The following ZNF423 variants were observed in gnomAD, a reference collection of about 807,000 sequenced individuals.
ZNF423 encodes Ebf-associated zinc finger protein.
A neutral mutation model predicts 95.8 loss-of-function variants in ZNF423; 12 were observed. That is an observed-to-expected ratio of 0.13 (90% CI 0.08 to 0.20). The LOEUF is 0.20. ZNF423 is among the 10% of genes least tolerant of loss of function. The pLI, the probability that ZNF423 is intolerant of heterozygous loss-of-function variation, is 1.00. For missense variants in ZNF423, 1,316 were observed against 1,737.1 expected (o/e 0.76, Z 4.31); for synonymous variants, 749 against 711.9 (o/e 1.05, Z -0.83).
intron 2 of ZNF423, among the ~76,000 whole-genome samples, chr16:49,761,503 A>G (rs764431684): frequency 6.6e-5 from 10 of 152,360 alleles, no homozygotes; most frequent in South Asian, 2.1e-4. Flanking sequence ...CGCTGGTCCC[A>G]GGACCACGCT....
At position 49,855,948 on chromosome 16, in the gene ZNF423, T is replaced by G. The variant is rs2035363023; in HGVS notation, c.-174A>C. On this transcript the variant is annotated 5_prime_UTR_variant, in exon 1 of 8. Coordinates refer to ENST00000563137, the MANE Select transcript of ZNF423 (RefSeq NM_001379286.1). The surrounding 1 kb of genome is among the most constrained non-coding windows in gnomAD (Gnocchi z 4.7). ...ACCGCAGGTCCGGGGCGGCCTCCCTTGGGGGGGCAGCCCGGGCCGGCCGAG... is the reference window on the plus strand; with the variant it reads ...ACCGCAGGTCCGGGGCGGCCTCCCTGGGGGGGGCAGCCCGGGCCGGCCGAG... The G allele has an allele frequency of 6.8e-6, 1 of 146,534 alleles. No homozygotes were observed. Among genetic ancestry groups the G allele is most frequent in the East Asian group, 2.1e-4 (1 of 4,760 alleles). 9.1% of individuals were successfully genotyped at this position (146,534 alleles called of 1,614,324 possible).
At chr16:49,818,565 AAC>A (rs2034891669) in intron 1 of ZNF423, among the ~76,000 whole-genome samples, 1 of 151,904 alleles carries the variant, frequency 6.6e-6, no homozygotes, top group Middle Eastern at 3.4e-3. Context: ...CAGCCTGGGC[AAC>A]ACAGAGATAC....
intron 5 of ZNF423, among the ~76,000 whole-genome samples, chr16:49,581,378 T>A (rs910651552): frequency 1.4e-4 from 21 of 152,152 alleles, no homozygotes; most frequent in Admixed American, 1.4e-3. Context: ...ATACTTAAAA[T>A]AACATTTATA....
At chr16:49,577,202 G>C (rs887178876) in intron 5 of ZNF423, among the ~76,000 whole-genome samples, 1 of 152,214 alleles carries the variant, frequency 6.6e-6, no homozygotes, top group Non-Finnish European at 1.5e-5. Context: ...GAATGGGAAA[G>C]AGTTGTAGGA....
chr16:49,629,228 T>C (rs1337633078), intron 4 of ZNF423, among the ~76,000 whole-genome samples: 1 of 152,234 alleles, frequency 6.6e-6, no homozygotes, highest in African/African-American at 2.4e-5. Context: ...TTTATATTTA[T>C]AGTCCAGGCC....
chr16:49,693,959 C>G (rs1438437114), intron 3 of ZNF423, among the ~76,000 whole-genome samples: 1 of 152,206 alleles, frequency 6.6e-6, no homozygotes, highest in African/African-American at 2.4e-5. Flanking sequence ...ACATCCTTCT[C>G]TTATAAATGA....
rs1358217310 is a variant in ZNF423 at position 49,632,564 on chromosome 16, G to T, written c.3516+3096C>A. 4.6e-5 allele frequency among the ~76,000 whole-genome samples: 7 copies of T among 152,268 alleles called. No homozygotes were observed. In the South Asian group the frequency reaches 1.5e-3, roughly 32 times the overall value. ...CTCACACAAGGCCCAAAGGCAGGGA[G>T]AGGAAGGCCTGGGGGCCCCCAGGAA... On this transcript the variant is annotated intron_variant, in intron 4 of 7. Coordinates refer to ENST00000563137, the MANE Select transcript of ZNF423 (RefSeq NM_001379286.1).
chr16:49,563,727 G>A (rs149433228), intron 5 of ZNF423, among the ~76,000 whole-genome samples: 4 of 152,236 alleles, frequency 2.6e-5, no homozygotes, highest in African/African-American at 4.8e-5. Flanking sequence ...GCATCCACCT[G>A]CACCTCTCCC....
chr16:49,565,279 G>A (rs932273581), intron 5 of ZNF423, among the ~76,000 whole-genome samples: 1 of 152,178 alleles, frequency 6.6e-6, no homozygotes, highest in Non-Finnish European at 1.5e-5. Context: ...GCCCAGAGTG[G>A]CCAAGATCTT....
intron 3 of ZNF423, among the ~76,000 whole-genome samples, chr16:49,653,311 C>CAAAAAAAAAAA (rs5816652): frequency 1.0e-5 from 1 of 99,198 alleles, no homozygotes. Context: ...CAAGAACCAC[C>CAAAAAAAAAAA]AAAAAAAAAA....
intron 3 of ZNF423, among the ~76,000 whole-genome samples, chr16:49,715,941 G>A (rs951237701): frequency 2.0e-5 from 3 of 151,970 alleles, no homozygotes; most frequent in Admixed American, 1.3e-4. Context: ...CCAGCTACTC[G>A]GGAGGCTGAG....
intron 2 of ZNF423, among the ~76,000 whole-genome samples, chr16:49,733,827 C>T (rs545274026): frequency 4.5e-4 from 69 of 152,248 alleles, no homozygotes; most frequent in Middle Eastern, 6.8e-3. Context: ...CAGAATCAGG[C>T]GCTGGAGAAC....
chr16:49,536,433 T>C (rs1178887693), intron 5 of ZNF423, among the ~76,000 whole-genome samples: 1 of 52,916 alleles, frequency 1.9e-5, no homozygotes, highest in African/African-American at 5.2e-5. Flanking sequence ...TTCTGGGTGG[T>C]TTTTTTTTTT....
rs201248302 is a variant in ZNF423 at position 49,603,413 on chromosome 16, AT to A, written c.3601+22756del. On this transcript the variant is annotated intron_variant, in intron 5 of 7. Transcript: ENST00000563137. This position sits in a 1 kb window ranked among gnomAD's most constrained non-coding sequence, Gnocchi z 4.1. ...TTTATACCCTACTGTCACTGTCTAG[AT>A]TTTTTTTTTCTTCAGACGAAGTCTC... is the stretch of plus-strand genomic sequence containing the variant. Among the ~76,000 whole-genome samples, 20 of 150,312 alleles carry A rather than the reference AT, an allele frequency of 1.3e-4. No homozygotes were observed. Among genetic ancestry groups the A allele is most frequent in the East Asian group, 1.9e-4 (1 of 5,142 alleles).
chr16:49,639,678 A>T (rs1972903588), intron 3 of ZNF423, among the ~76,000 whole-genome samples: 1 of 152,158 alleles, frequency 6.6e-6, no homozygotes, highest in Admixed American at 6.5e-5. Context: ...TTGGAGGATG[A>T]ATGAGGACAT....
chr16:49,688,637 T>C (rs1567291442), intron 3 of ZNF423, among the ~76,000 whole-genome samples: 1 of 152,236 alleles, frequency 6.6e-6, no homozygotes, highest in East Asian at 1.9e-4. Context: ...AAATGTCTAG[T>C]GACTTAAATA....
Position 49,637,265 on chromosome 16 carries a change from A to G in ZNF423, c.1911T>C (p.Asn637=), listed in dbSNP as rs758721308. 1.9e-6 allele frequency: 3 copies of G among 1,614,208 alleles called. No homozygotes were observed. Among genetic ancestry groups the G allele is most frequent in the Non-Finnish European group, 2.5e-6 (3 of 1,180,038 alleles). The change falls in exon 4 of 8, where the codon AAT becomes AAC. Residue 637 remains asparagine, a synonymous_variant. Coordinates refer to ENST00000563137, the MANE Select transcript of ZNF423 (RefSeq NM_001379286.1). The surrounding 1 kb of genome is among the most constrained non-coding windows in gnomAD (Gnocchi z 5.6). ...RLSASANSIS[N]GEYPCNQCDL... is the part of the protein sequence containing the mutation. Reference sequence around the variant, plus strand: ...CGCATTGATTGCAAGGATACTCCCCATTGGAGATGGAGTTGGCGCTTGCTG... The same window carrying G: ...CGCATTGATTGCAAGGATACTCCCCGTTGGAGATGGAGTTGGCGCTTGCTG...
intron 1 of ZNF423, among the ~76,000 whole-genome samples, chr16:49,813,711 C>A (rs180849094): frequency 5.9e-5 from 9 of 152,344 alleles, no homozygotes; most frequent in African/African-American, 2.2e-4. Flanking sequence ...GTTAAAGTCT[C>A]TTTTGGCTTA....
chr16:49,692,193 G>T (rs577050409), intron 3 of ZNF423, among the ~76,000 whole-genome samples: 1 of 152,020 alleles, frequency 6.6e-6, no homozygotes, highest in Non-Finnish European at 1.5e-5. Flanking sequence ...GGGTTCAAGC[G>T]ATCCTCCTGT....
Sources: allele counts gnomAD v4.1 joint callset (sites outside exome capture counted in the v4.1 genomes callset), GRCh38; gene constraint gnomAD v4.1.1; non-coding constraint Gnocchi (gnomAD v3.1); transcripts MANE v1.5; gene names NCBI Gene and HGNC (gene_info 2026-07-23, HGNC 2026-07-21).